The following CHRM2 variants were observed in gnomAD, a reference collection of about 807,000 sequenced individuals.
CHRM2 encodes cholinergic receptor muscarinic 2.
A neutral mutation model predicts 25.0 loss-of-function variants in CHRM2; 8 were observed. The observed-to-expected ratio is 0.32, with a 90% CI of 0.19 to 0.58. The LOEUF (loss-of-function observed/expected upper bound fraction) is 0.58, where lower values mean the gene tolerates loss of function less well. Among genes scored for constraint, CHRM2 ranks in the 20% least tolerant of loss-of-function variants. The probability of loss-of-function intolerance (pLI) is 0.88; values close to 1 mark genes in which losing one functional copy is unlikely to be tolerated. For missense variants in CHRM2, 440 were observed against 567.1 expected (o/e 0.78, Z 2.28); for synonymous variants, 202 against 205.7 (o/e 0.98, Z 0.15).
intron 2 of CHRM2, among the ~76,000 whole-genome samples, chr7:136,874,045 G>A (rs1421544850): frequency 6.6e-6 from 1 of 152,224 alleles, no homozygotes; most frequent in Non-Finnish European, 1.5e-5. Flanking sequence ...ATAGGAAGCA[G>A]ATCAAGAGAC....
At chr7:136,932,940 G>A (rs1001639081) in intron 2 of CHRM2, among the ~76,000 whole-genome samples, 2 of 152,138 alleles carry the variant, frequency 1.3e-5, no homozygotes, top group Non-Finnish European at 2.9e-5. Context: ...TGAGGCAGGA[G>A]AATCACTTAA....
In CHRM2 at chr7:137,017,031, G is replaced by C. The variant is rs957120383; in HGVS notation, c.*765G>C. 6.1e-6 allele frequency: 1 copy of C among 164,190 alleles called. No homozygotes were observed. Among genetic ancestry groups the C allele is most frequent in the Admixed American group, 6.6e-5 (1 of 15,226 alleles). 10.2% of individuals were successfully genotyped at this position (164,190 alleles called of 1,614,324 possible). On this transcript the variant is annotated 3_prime_UTR_variant, in exon 4 of 4. Transcript: ENST00000680005. ...AATGGACGTTTCACCCCTCCTCACT[G>C]TGTCCTTTGCATTCGTTGGGGATAT...
chr7:136,949,731 A>G (rs947540307), intron 2 of CHRM2, among the ~76,000 whole-genome samples: 10 of 115,390 alleles, frequency 8.7e-5, no homozygotes, highest in Admixed American at 6.6e-4. Flanking sequence ...AACTTTTTAA[A>G]ACAGTATTTG....
At chr7:136,955,350 C>T (rs1800661735) in intron 2 of CHRM2, among the ~76,000 whole-genome samples, 1 of 152,138 alleles carries the variant, frequency 6.6e-6, no homozygotes, top group Non-Finnish European at 1.5e-5. Flanking sequence ...TACTCTGGGG[C>T]TTCAACTTAG....
intron 2 of CHRM2, among the ~76,000 whole-genome samples, chr7:136,940,449 T>G (rs1799701742): frequency 6.6e-6 from 1 of 152,216 alleles, no homozygotes; most frequent in African/African-American, 2.4e-5. Context: ...TACTCAATCA[T>G]CTTGTACCTT....
chr7:136,974,006 G>C (rs1316431318), intron 2 of CHRM2, among the ~76,000 whole-genome samples: 1 of 152,090 alleles, frequency 6.6e-6, no homozygotes. Flanking sequence ...AGAACATTTT[G>C]TAATATTGTC....
chr7:136,878,095 C>A (rs1796117203), intron 2 of CHRM2, among the ~76,000 whole-genome samples: 1 of 151,916 alleles, frequency 6.6e-6, no homozygotes, highest in South Asian at 2.1e-4. Flanking sequence ...GGCACTGTTA[C>A]AAAGGGAAGA....
At chr7:136,896,407 A>AT (rs1465698364) in intron 2 of CHRM2, among the ~76,000 whole-genome samples, 3 of 152,174 alleles carry the variant, frequency 2.0e-5, no homozygotes, top group African/African-American at 7.2e-5. Context: ...CTTCCAGTGT[A>AT]TCTGGGGCGA....
At chr7:136,999,001 A>G (rs916083775) in intron 3 of CHRM2, among the ~76,000 whole-genome samples, 4 of 151,920 alleles carry the variant, frequency 2.6e-5, no homozygotes, top group African/African-American at 9.7e-5. Flanking sequence ...TGTAGAAAAA[A>G]CCCTCACTTA....
chr7:136,994,191 T>G (rs1270284554), intron 3 of CHRM2, among the ~76,000 whole-genome samples: 1 of 152,140 alleles, frequency 6.6e-6, no homozygotes, highest in Non-Finnish European at 1.5e-5. Flanking sequence ...AAGGGATATT[T>G]TAAAGCAAAA....
intron 2 of CHRM2, among the ~76,000 whole-genome samples, chr7:136,923,603 A>G (rs1345851895): frequency 6.6e-6 from 1 of 152,218 alleles, no homozygotes; most frequent in African/African-American, 2.4e-5. Context: ...AAGCTACAGA[A>G]TAGAATCCAC....
At chr7:136,908,448 A>G (rs1797672400) in intron 2 of CHRM2, among the ~76,000 whole-genome samples, 1 of 151,966 alleles carries the variant, frequency 6.6e-6, no homozygotes, top group Non-Finnish European at 1.5e-5. Context: ...AGATTACATT[A>G]TTGCAATACC....
chr7:136,898,995 G>A (rs1263965848), intron 2 of CHRM2: 2 of 152,042 alleles, frequency 1.3e-5, no homozygotes, highest in Admixed American at 1.3e-4. Context: ...GTTGGTTGAT[G>A]TATGGTTTAT....
At chr7:136,987,982 A>C (rs1802969022) in intron 2 of CHRM2, among the ~76,000 whole-genome samples, 1 of 151,916 alleles carries the variant, frequency 6.6e-6, no homozygotes, top group Non-Finnish European at 1.5e-5. Context: ...TGTGCATGTA[A>C]ATCATACTTA....
rs1215023293 is a variant in CHRM2, at chr7:137,019,062, T to C, written c.*2796T>C. The stretch of plus-strand genomic sequence containing the variant: ...ATAGCCTATAATGCTCAGGACATTT[T>C]CCCCCAACCCCTTTAAACAAATATT... On this transcript the variant is annotated 3_prime_UTR_variant, in exon 4 of 4. Coordinates refer to ENST00000680005, the MANE Select transcript of CHRM2 (RefSeq NM_001006630.2). The C allele has an allele frequency of 2.0e-5, 3 of 151,860 alleles. No homozygotes were observed. The highest frequency in any genetic ancestry group is 4.4e-5 in the Non-Finnish European group (3 of 67,882). 9.4% of individuals were successfully genotyped at this position (151,860 alleles called of 1,614,324 possible).
At chr7:136,902,999 G>T in intron 2 of CHRM2, 1 of 431,890 alleles carries the variant, frequency 2.3e-6, no homozygotes, top group South Asian at 1.8e-5. Flanking sequence ...CTGGAGTCTG[G>T]AAAGTATACA....
At chr7:136,895,978 A>T (rs559901502) in intron 2 of CHRM2, among the ~76,000 whole-genome samples, 1 of 152,280 alleles carries the variant, frequency 6.6e-6, no homozygotes, top group Non-Finnish European at 1.5e-5. Flanking sequence ...TATACTATTT[A>T]CGTTAAATAT....
At chr7:136,933,855 T>C (rs1028838111) in intron 2 of CHRM2, among the ~76,000 whole-genome samples, 5 of 152,190 alleles carry the variant, frequency 3.3e-5, no homozygotes, top group African/African-American at 1.2e-4. Context: ...AATTCCAGAA[T>C]AGGCAAATCT....
rs1805189637 is a variant in CHRM2, at chr7:137,016,334, C to T, written c.*68C>T. On this transcript the variant is annotated 3_prime_UTR_variant, in exon 4 of 4. Transcript: ENST00000680005. ...GAAGAATAAAAGGGATAAACGAGCT[C>T]CTAGTTTTAAAATCTCTGCCATTGC... The T allele has an allele frequency of 1.4e-6, 2 of 1,480,828 alleles. No homozygotes were observed. Among genetic ancestry groups the T allele is most frequent in the Non-Finnish European group, 1.9e-6 (2 of 1,062,944 alleles). The allele number at this position is 1,480,828 out of a possible 1,614,324, so 91.7% of individuals were successfully genotyped here. A position where few individuals can be genotyped will look rare whatever the true frequency, so the allele number is the denominator to read the frequency against.
Sources: gnomAD v4.1 joint callset for allele counts (sites outside exome capture counted in the v4.1 genomes callset) on GRCh38, gnomAD v4.1.1 for gene constraint, MANE v1.5 for transcripts, NCBI Gene and HGNC (gene_info 2026-07-23, HGNC 2026-07-21) for gene names.